DLG2: variants seen among roughly 807,000 people sequenced by gnomAD.
The protein encoded by DLG2 is disks large homolog 2.
Under a neutral mutation model 132.5 loss-of-function variants are expected in DLG2, and 45 were observed. The ratio of observed to expected loss-of-function variants is 0.34; its 90% confidence interval spans 0.27 to 0.44. DLG2 has a LOEUF of 0.44. DLG2 is among the 20% of genes least tolerant of loss of function. The pLI, the probability that DLG2 is intolerant of heterozygous loss-of-function variation, is 1.00. For missense variants in DLG2, 1,045 were observed against 1,196.9 expected (o/e 0.87, Z 1.87); for synonymous variants, 424 against 419.6 (o/e 1.01, Z -0.13).
At chr11:83,475,917 G>A (rs1417887113) in intron 22 of DLG2, among the ~76,000 whole-genome samples, 3 of 152,016 alleles carry the variant, frequency 2.0e-5, no homozygotes, top group Non-Finnish European at 4.4e-5. Flanking sequence ...GAAAGTGGGA[G>A]AGCAGCACAG....
At position 84,558,929 on chromosome 11, in the gene DLG2, C is replaced by T. The variant is rs12279408; in HGVS notation, c.358-24198G>A. ...AGTTAGCTATGATTCTCCTAAGCCC[C>T]TCAAAACATTTTTTATACCATCATT... is the stretch of plus-strand genomic sequence containing the variant. On this transcript the variant is annotated intron_variant, in intron 6 of 27. Transcript: ENST00000376104. 6.2e-3 allele frequency among the ~76,000 whole-genome samples: 941 copies of T among 152,208 alleles called. 5 individuals carry two copies. Among genetic ancestry groups the T allele is most frequent in the Non-Finnish European group, 9.9e-3 (675 of 67,996 alleles).
At chr11:84,759,655 A>T (rs1272530868) in intron 6 of DLG2, among the ~76,000 whole-genome samples, 1 of 152,222 alleles carries the variant, frequency 6.6e-6, no homozygotes, top group Non-Finnish European at 1.5e-5. Flanking sequence ...TTGTTTACAC[A>T]AAGCAAAAGT....
At position 84,403,276 on chromosome 11, in the gene DLG2, CTG is replaced by C. The variant is rs545357013; in HGVS notation, c.519+131292_519+131293del. On this transcript the variant is annotated intron_variant, in intron 7 of 27. Transcript: ENST00000376104. ...GGCAAGATATCATGTGGTTATCACT[CTG>C]TATTCCAGAGCACCAAATTCATACC... is the stretch of plus-strand genomic sequence containing the variant. 2.6e-5 allele frequency among the ~76,000 whole-genome samples: 4 copies of C among 152,238 alleles called. No homozygotes were observed. The South Asian group carries it at 8.3e-4, about 32-fold the overall frequency.
intron 7 of DLG2, among the ~76,000 whole-genome samples, chr11:84,498,078 A>T (rs1263715438): frequency 6.6e-6 from 1 of 152,220 alleles, no homozygotes. Context: ...ATTGGAGTGG[A>T]AACTGGGATA....
At chr11:85,083,566 A>C (rs2067523047) in intron 6 of DLG2, among the ~76,000 whole-genome samples, 1 of 152,170 alleles carries the variant, frequency 6.6e-6, no homozygotes, top group Non-Finnish European at 1.5e-5. Context: ...ACATTAATCA[A>C]TACATGTAGG....
chr11:83,950,923 C>G (rs569551495), intron 14 of DLG2, among the ~76,000 whole-genome samples: 11 of 152,214 alleles, frequency 7.2e-5, no homozygotes, highest in Non-Finnish European at 8.8e-5. Flanking sequence ...CCTGCCCCCC[C>G]CTCCACACTT....
intron 15 of DLG2, among the ~76,000 whole-genome samples, chr11:83,886,648 T>C (rs376402190): frequency 0.029 from 4,450 of 151,514 alleles, 158 homozygotes; most frequent in African/African-American, 0.082. Flanking sequence ...AATATACATT[T>C]TTTTCAGCAC....
chr11:84,858,452 G>C (rs952094393), intron 6 of DLG2, among the ~76,000 whole-genome samples: 1 of 152,020 alleles, frequency 6.6e-6, no homozygotes, highest in Admixed American at 6.6e-5. Flanking sequence ...TTGTGCATTT[G>C]TCAAAGATTT....
chr11:84,334,195 A>G (rs2098473656), intron 7 of DLG2, among the ~76,000 whole-genome samples: 1 of 152,210 alleles, frequency 6.6e-6, no homozygotes. Context: ...GTCTCCTGCA[A>G]TCAAATGCAG....
At chr11:83,796,755 GT>G (rs962578674) in intron 17 of DLG2, among the ~76,000 whole-genome samples, 1 of 152,144 alleles carries the variant, frequency 6.6e-6, no homozygotes, top group Non-Finnish European at 1.5e-5. Flanking sequence ...AAATATATTT[GT>G]TTTTTAAAAA....
intron 2 of DLG2, among the ~76,000 whole-genome samples, chr11:85,606,702 G>A (rs1047382499): frequency 4.6e-5 from 7 of 152,080 alleles, no homozygotes; most frequent in Middle Eastern, 3.2e-3. Context: ...TTGGGTCTGC[G>A]CCGCCTTTAT....
At chr11:83,840,249 CCTT>C (rs781096304) in intron 16 of DLG2, among the ~76,000 whole-genome samples, 2 of 152,164 alleles carry the variant, frequency 1.3e-5, no homozygotes, top group Non-Finnish European at 2.9e-5. Context: ...ATTGCTCATA[CCTT>C]CTTCTCAAGA....
chr11:85,082,922 GA>G (rs550833878), intron 6 of DLG2, among the ~76,000 whole-genome samples: 34 of 152,098 alleles, frequency 2.2e-4, no homozygotes, highest in African/African-American at 7.7e-4. Flanking sequence ...ATGGTAAAGA[GA>G]AATTAAGACA....
At chr11:83,488,736 C>A (rs2093671277) in intron 21 of DLG2, among the ~76,000 whole-genome samples, 2 of 151,946 alleles carry the variant, frequency 1.3e-5, no homozygotes, top group African/African-American at 4.8e-5. Context: ...CTGTGACCCC[C>A]TTATTGTTTT....
At chr11:83,479,700 A>G (rs1455338158) in intron 22 of DLG2, among the ~76,000 whole-genome samples, 5 of 152,124 alleles carry the variant, frequency 3.3e-5, no homozygotes, top group Non-Finnish European at 7.4e-5. Context: ...AACAAAGACC[A>G]GAAATAACTT....
chr11:83,678,670 G>A (rs1363108433), intron 18 of DLG2, among the ~76,000 whole-genome samples: 1 of 152,120 alleles, frequency 6.6e-6, no homozygotes, highest in Admixed American at 6.6e-5. Flanking sequence ...TACCCTGAAT[G>A]TGATCCAGAA....
intron 18 of DLG2, chr11:83,652,134 G>T (rs1284484507): frequency 3.6e-6 from 1 of 279,050 alleles, no homozygotes; most frequent in Non-Finnish European, 7.2e-6. Context: ...ATGTTATTTT[G>T]TGTTTTTTTG....
chr11:85,000,865 CTCA>C (rs1292020772), intron 6 of DLG2, among the ~76,000 whole-genome samples: 1 of 152,012 alleles, frequency 6.6e-6, no homozygotes, highest in Non-Finnish European at 1.5e-5. Context: ...AGAACACAGC[CTCA>C]TCATTGTTAC....
chr11:83,491,370 A>G (rs1309945078), intron 21 of DLG2, among the ~76,000 whole-genome samples: 1 of 152,016 alleles, frequency 6.6e-6, no homozygotes, highest in Non-Finnish European at 1.5e-5. Flanking sequence ...TTTTGATCTC[A>G]AAAAATGAAA....
Sources: gnomAD v4.1 joint callset for allele counts (sites outside exome capture counted in the v4.1 genomes callset) on GRCh38, gnomAD v4.1.1 for gene constraint, MANE v1.5 for transcripts, NCBI Gene and HGNC (gene_info 2026-07-23, HGNC 2026-07-21) for gene names.